Variants in EPHA6 observed in about 807,000 individuals in gnomAD.
EPHA6 encodes ephrin type-A receptor 6.
EPHA6 carries 50 observed loss-of-function variants against 112.0 expected under a neutral mutation model. That is an observed-to-expected ratio of 0.45 (90% CI 0.36 to 0.56). The LOEUF is 0.56. EPHA6 is among the 20% of genes least tolerant of loss of function. The pLI, the probability that EPHA6 is intolerant of heterozygous loss-of-function variation, is 0.00. For missense variants in EPHA6, 1,280 were observed against 1,417.4 expected, an observed-to-expected ratio of 0.90 and a Z score of 1.56; for synonymous variants, 529 against 490.7, an observed-to-expected ratio of 1.08 and a Z score of -1.03.
In EPHA6 at chr3:97,072,847, C is replaced by T. The variant is rs549780899; in HGVS notation, c.1114+84854C>T. On this transcript the variant is annotated intron_variant, in intron 3 of 17. Coordinates refer to ENST00000389672, the MANE Select transcript of EPHA6 (RefSeq NM_001080448.3). ...CTGCCATGTTGACTGTTATCAGTTC[C>T]TTCTTAATCTAACCTTAGATTTTCC... is the stretch of plus-strand genomic sequence containing the variant. Among the ~76,000 whole-genome samples, 8 of 152,182 alleles carry T rather than the reference C, an allele frequency of 5.3e-5. No homozygotes were observed. The East Asian group carries it at 1.2e-3, about 22-fold the overall frequency.
intron 3 of EPHA6, among the ~76,000 whole-genome samples, chr3:96,992,794 C>G (rs1229998887): frequency 6.6e-6 from 1 of 152,002 alleles, no homozygotes; most frequent in Non-Finnish European, 1.5e-5. Context: ...CATATTTTAC[C>G]TAGCTGCTTT....
intron 14 of EPHA6, among the ~76,000 whole-genome samples, chr3:97,680,522 G>C (rs1445142293): frequency 1.3e-5 from 2 of 152,168 alleles, no homozygotes; most frequent in Non-Finnish European, 2.9e-5. Flanking sequence ...CTAAATGAAT[G>C]AATCACTCAA....
intron 3 of EPHA6, among the ~76,000 whole-genome samples, chr3:97,017,684 A>G (rs1013358440): frequency 1.3e-5 from 2 of 151,880 alleles, no homozygotes; most frequent in Non-Finnish European, 2.9e-5. Flanking sequence ...ATTGTACGTT[A>G]TTTGTTTCTT....
At chr3:97,708,095 G>C (rs748611813) in intron 14 of EPHA6, among the ~76,000 whole-genome samples, 1 of 152,192 alleles carries the variant, frequency 6.6e-6, no homozygotes, top group Non-Finnish European at 1.5e-5. Flanking sequence ...CTGAATAATG[G>C]GCAGAGGTTG....
At chr3:97,714,055 C>T (rs2034105209) in intron 14 of EPHA6, among the ~76,000 whole-genome samples, 1 of 152,162 alleles carries the variant, frequency 6.6e-6, no homozygotes, top group Non-Finnish European at 1.5e-5. Context: ...GCAGAATTGA[C>T]TTTGCACCTC....
At chr3:97,546,290 T>A (rs1165857867) in intron 11 of EPHA6, among the ~76,000 whole-genome samples, 1 of 152,216 alleles carries the variant, frequency 6.6e-6, no homozygotes, top group Non-Finnish European at 1.5e-5. Context: ...CATTTGCTTG[T>A]CTGTAAAGGA....
At position 97,752,848 on chromosome 3, in the gene EPHA6, C is replaced by T. The variant is rs574657496; in HGVS notation, c.*4147C>T. On this transcript the variant is annotated 3_prime_UTR_variant, in exon 18 of 18. Coordinates refer to ENST00000389672, the MANE Select transcript of EPHA6 (RefSeq NM_001080448.3). ...TTATTATAAACTCACAGTTGGTGTCCATGTCTCTATATATCAAAGAGATTT... is the reference window on the plus strand; with the variant it reads ...TTATTATAAACTCACAGTTGGTGTCTATGTCTCTATATATCAAAGAGATTT... 6.6e-6 allele frequency among the ~76,000 whole-genome samples: 1 copy of T among 152,000 alleles called. No individual in the cohort carries two copies. Among genetic ancestry groups the T allele is most frequent in the East Asian group, 1.9e-4 (1 of 5,176 alleles).
chr3:97,303,201 AAT>A lies in EPHA6; in HGVS notation c.1606+58918_1606+58919del, dbSNP rs550819973. ...TAATGTTAGAAAGATACATATTATA[AAT>A]ATAGAGTCTTAATGCAATCTTAATC... On this transcript the variant is annotated intron_variant, in intron 5 of 17. Coordinates refer to ENST00000389672, the MANE Select transcript of EPHA6 (RefSeq NM_001080448.3). Among the ~76,000 whole-genome samples the A allele has an allele frequency of 6.0e-3, 906 of 152,134 alleles. 9 individuals are homozygous for A. Among genetic ancestry groups the A allele is most frequent in the African/African-American group, 0.021 (857 of 41,546 alleles).
chr3:96,991,131 AG>A (rs2043200805), intron 3 of EPHA6, among the ~76,000 whole-genome samples: 1 of 152,088 alleles, frequency 6.6e-6, no homozygotes, highest in South Asian at 2.1e-4. Flanking sequence ...CTGTGATTGC[AG>A]GGGTGAGCCA....
chr3:97,396,824 A>G (rs894325263), intron 5 of EPHA6, among the ~76,000 whole-genome samples: 5 of 151,790 alleles, frequency 3.3e-5, no homozygotes, highest in Non-Finnish European at 5.9e-5. Context: ...TCTTGAGAGC[A>G]AAATAGTTAA....
chr3:96,815,434 C>G (rs2032697988), intron 1 of EPHA6, among the ~76,000 whole-genome samples: 1 of 150,796 alleles, frequency 6.6e-6, no homozygotes, highest in African/African-American at 2.5e-5. Flanking sequence ...CGCTGTACCC[C>G]GTGACCAGTT....
intron 14 of EPHA6, among the ~76,000 whole-genome samples, chr3:97,696,067 C>T (rs1017908923): frequency 6.6e-6 from 1 of 152,230 alleles, no homozygotes; most frequent in Non-Finnish European, 1.5e-5. Context: ...TTCAAAATCA[C>T]AGAAATCACA....
chr3:96,881,121 T>G (rs2037288975), intron 2 of EPHA6, among the ~76,000 whole-genome samples: 1 of 152,162 alleles, frequency 6.6e-6, no homozygotes. Flanking sequence ...GGCTGAACTA[T>G]TTTTGTGTTC....
At chr3:96,962,377 A>C (rs150331416) in intron 2 of EPHA6, among the ~76,000 whole-genome samples, 127 of 151,436 alleles carry the variant, frequency 8.4e-4, no homozygotes, top group African/African-American at 3.0e-3. Flanking sequence ...AGTTACCCCA[A>C]AGTATTGTGT....
intron 7 of EPHA6, among the ~76,000 whole-genome samples, chr3:97,457,268 G>A (rs987116913): frequency 8.5e-5 from 13 of 152,116 alleles, no homozygotes; most frequent in African/African-American, 3.1e-4. Flanking sequence ...GAGTATCATA[G>A]CGATGATATA....
At chr3:97,018,246 G>T (rs11926537) in intron 3 of EPHA6, among the ~76,000 whole-genome samples, 2,416 of 151,520 alleles carry the variant, frequency 0.016, 62 homozygotes, top group African/African-American at 0.049. Context: ...CATTTTTACC[G>T]CTTTATGTGT....
intron 3 of EPHA6, among the ~76,000 whole-genome samples, chr3:97,034,905 C>A (rs1208384105): frequency 6.6e-6 from 1 of 151,864 alleles, no homozygotes; most frequent in Admixed American, 6.6e-5. Context: ...TTGAAAACTT[C>A]CTTTATCATT....
chr3:96,867,890 T>C (rs2036408925), intron 2 of EPHA6, among the ~76,000 whole-genome samples: 1 of 151,950 alleles, frequency 6.6e-6, no homozygotes, highest in Non-Finnish European at 1.5e-5. Context: ...GAGTGAAATC[T>C]TCCTCTCTTT....
At chr3:97,607,227 C>A (rs1403370691) in intron 12 of EPHA6, among the ~76,000 whole-genome samples, 4 of 145,066 alleles carry the variant, frequency 2.8e-5, no homozygotes, top group African/African-American at 1.0e-4. Flanking sequence ...TGGCAAAATA[C>A]TTTAACCAGG....
Sources: allele counts gnomAD v4.1 joint callset (sites outside exome capture counted in the v4.1 genomes callset), GRCh38; gene constraint gnomAD v4.1.1; transcripts MANE v1.5; gene names NCBI Gene and HGNC (gene_info 2026-07-23, HGNC 2026-07-21).